The following NUDCD3 variants were observed in gnomAD, a reference collection of about 807,000 sequenced individuals.
NUDCD3 encodes NudC domain containing 3.
In NUDCD3, 13 loss-of-function variants were observed where a neutral mutation model predicts 39.7. That is an observed-to-expected ratio of 0.33 (90% confidence interval 0.21 to 0.52). The LOEUF (loss-of-function observed/expected upper bound fraction) is 0.52, where lower values mean the gene tolerates loss of function less well. NUDCD3 is among the 20% of genes least tolerant of loss of function. NUDCD3 has a pLI of 0.96. For synonymous variants in NUDCD3, 175 were observed against 172.4 expected, an observed-to-expected ratio of 1.02 and a Z score of -0.12; for missense variants, 453 against 458.1, an observed-to-expected ratio of 0.99 and a Z score of 0.10.
chr7:44,439,781 G>A (rs1799540665), intron 2 of NUDCD3, among the ~76,000 whole-genome samples: 1 of 152,114 alleles, frequency 6.6e-6, no homozygotes, highest in Admixed American at 6.5e-5. Flanking sequence ...ATGAACAAAT[G>A]AGGGAAGGGG....
chr7:44,469,285 T>C (rs1434750321), intron 2 of NUDCD3, among the ~76,000 whole-genome samples: 3 of 152,128 alleles, frequency 2.0e-5, no homozygotes, highest in Non-Finnish European at 4.4e-5. Flanking sequence ...CTATAAAACC[T>C]ACCTCCTTTG....
chr7:44,466,226 CCT>C (rs1424327898), intron 2 of NUDCD3, among the ~76,000 whole-genome samples: 2 of 152,098 alleles, frequency 1.3e-5, no homozygotes, highest in Non-Finnish European at 2.9e-5. Flanking sequence ...CATCCCATCC[CCT>C]GAGCCACCCT....
In NUDCD3 at chr7:44,383,556, G is replaced by C. The variant is rs570109429; in HGVS notation, c.*2455C>G. The C allele has an allele frequency of 1.3e-5, 2 of 152,366 alleles. No homozygotes were observed. The highest frequency in any genetic ancestry group is 2.4e-5 in the African/African-American group (1 of 41,568). 9.4% of individuals were successfully genotyped at this position (152,366 alleles called of 1,614,324 possible). Reference sequence around the variant, plus strand: ...ATAATGACCATGCACAGACAGAACTGTCTCAGCAGCAAATGTCACACGCAG... The same window carrying C: ...ATAATGACCATGCACAGACAGAACTCTCTCAGCAGCAAATGTCACACGCAG... On this transcript the variant is annotated 3_prime_UTR_variant, in exon 6 of 6. Transcript: ENST00000355451.
intron 2 of NUDCD3, among the ~76,000 whole-genome samples, chr7:44,427,920 C>T (rs1354272831): frequency 6.6e-6 from 1 of 151,934 alleles, no homozygotes; most frequent in African/African-American, 2.4e-5. Context: ...AGGACAAGGG[C>T]AAAGCTACAG....
intron 2 of NUDCD3, chr7:44,467,854 C>A: frequency 7.2e-7 from 1 of 1,398,028 alleles, no homozygotes; most frequent in Non-Finnish European, 1.0e-6. Flanking sequence ...CTCTCTTCCT[C>A]GGCGCTGCCT....
intron 2 of NUDCD3, among the ~76,000 whole-genome samples, chr7:44,481,798 A>C (rs965640109): frequency 6.6e-6 from 1 of 152,198 alleles, no homozygotes; most frequent in Admixed American, 6.5e-5. Flanking sequence ...TAATCCCAAG[A>C]TATTGGGATG....
At chr7:44,438,543 T>C (rs1322532372) in intron 2 of NUDCD3, among the ~76,000 whole-genome samples, 2 of 152,086 alleles carry the variant, frequency 1.3e-5, no homozygotes, top group East Asian at 1.9e-4. Context: ...AATCCTAGAC[T>C]GTCCTCAACC....
chr7:44,462,068 T>C (rs978774129), intron 2 of NUDCD3, among the ~76,000 whole-genome samples: 2 of 152,126 alleles, frequency 1.3e-5, no homozygotes, highest in African/African-American at 4.8e-5. Flanking sequence ...AGTCCACAAA[T>C]ATAGCACATG....
intron 3 of NUDCD3, among the ~76,000 whole-genome samples, chr7:44,422,551 T>C (rs1799161356): frequency 6.6e-6 from 1 of 152,110 alleles, no homozygotes; most frequent in Admixed American, 6.5e-5. Flanking sequence ...AATGGATAAA[T>C]TCCCAGACAT....
intron 2 of NUDCD3, among the ~76,000 whole-genome samples, chr7:44,434,368 C>T (rs1429224561): frequency 6.6e-6 from 1 of 152,178 alleles, no homozygotes; most frequent in Admixed American, 6.5e-5. Flanking sequence ...TACTCCCAGG[C>T]TTCCACACAG....
chr7:44,481,441 G>T (rs1563190686), intron 2 of NUDCD3: 1 of 152,216 alleles, frequency 6.6e-6, no homozygotes, highest in Non-Finnish European at 1.5e-5. Context: ...TCAGCTGATA[G>T]ATCAGGCCCA....
At chr7:44,426,933 G>A (rs986385560) in intron 3 of NUDCD3, among the ~76,000 whole-genome samples, 9 of 151,952 alleles carry the variant, frequency 5.9e-5, no homozygotes, top group South Asian at 2.1e-4. Context: ...GCTCTCTCCT[G>A]TGATTAAAGG....
At chr7:44,449,443 GA>G (rs1280426340) in intron 2 of NUDCD3, among the ~76,000 whole-genome samples, 1 of 152,190 alleles carries the variant, frequency 6.6e-6, no homozygotes, top group Non-Finnish European at 1.5e-5. Flanking sequence ...GTCAGCTCAA[GA>G]GTAGAAGACA....
chr7:44,414,803 T>C (rs1164035593), intron 3 of NUDCD3, among the ~76,000 whole-genome samples: 3 of 152,258 alleles, frequency 2.0e-5, no homozygotes, highest in East Asian at 3.8e-4. Context: ...GAACACGTTA[T>C]GGAGCTTTTA....
chr7:44,395,750 C>G (rs1054077506), intron 4 of NUDCD3, among the ~76,000 whole-genome samples: 1 of 152,204 alleles, frequency 6.6e-6, no homozygotes, highest in Non-Finnish European at 1.5e-5. Flanking sequence ...TAGCATGAAT[C>G]AGAACTCCAT....
At chr7:44,415,913 G>A (rs1192579034) in intron 3 of NUDCD3, among the ~76,000 whole-genome samples, 1 of 152,160 alleles carries the variant, frequency 6.6e-6, no homozygotes, top group Non-Finnish European at 1.5e-5. Context: ...GTGACAGGTA[G>A]ACTTAGGGAA....
At position 44,409,862 on chromosome 7, in the gene NUDCD3, C is replaced by T. The variant is rs547188051; in HGVS notation, c.643-5279G>A. Among the ~76,000 whole-genome samples, 14 of 151,958 alleles carry T rather than the reference C, an allele frequency of 9.2e-5. No homozygotes were observed. In the East Asian group the frequency reaches 2.5e-3, roughly 27 times the overall value. Reference sequence around the variant, plus strand: ...TTACCATTTTTTTAAGAATCAAATACAAATTCTGGAGTTCAAAAGTAAAAG... The same window carrying T: ...TTACCATTTTTTTAAGAATCAAATATAAATTCTGGAGTTCAAAAGTAAAAG... On this transcript the variant is annotated intron_variant, in intron 3 of 5. Coordinates refer to ENST00000355451, the MANE Select transcript of NUDCD3 (RefSeq NM_015332.4).
chr7:44,485,806 A>G (rs1187048614), intron 1 of NUDCD3, among the ~76,000 whole-genome samples: 1 of 152,246 alleles, frequency 6.6e-6, no homozygotes, highest in African/African-American at 2.4e-5. Context: ...ACGCACGCAC[A>G]AAAAACATCA....
chr7:44,384,951 G>A lies in NUDCD3; in HGVS notation c.*1060C>T, dbSNP rs1798376329. ...GGCAGTGACCAGTCCCTGGAGAACA[G>A]GTAAGATTGGGCCATAAGTTCCAAG... On this transcript the variant is annotated 3_prime_UTR_variant, in exon 6 of 6. Coordinates refer to ENST00000355451, the MANE Select transcript of NUDCD3 (RefSeq NM_015332.4). 6.6e-6 allele frequency: 1 copy of A among 152,302 alleles called. No individual in the cohort carries two copies. The highest frequency in any genetic ancestry group is 2.4e-5 in the African/African-American group (1 of 41,448). The allele number at this position is 152,302 out of a possible 1,614,324, so 9.4% of individuals were successfully genotyped here. A position where few individuals can be genotyped will look rare whatever the true frequency, so the allele number is the denominator to read the frequency against.
Sources: allele counts gnomAD v4.1 joint callset (sites outside exome capture counted in the v4.1 genomes callset), GRCh38; gene constraint gnomAD v4.1.1; transcripts MANE v1.5; gene names NCBI Gene and HGNC (gene_info 2026-07-23, HGNC 2026-07-21).